The following PKD2 variants were observed in gnomAD, a reference collection of about 807,000 sequenced individuals.
PKD2 encodes the protein polycystin 2, transient receptor potential cation channel.
Under a neutral mutation model 105.9 loss-of-function variants are expected in PKD2, and 48 were observed. The ratio of observed to expected loss-of-function variants is 0.45; its 90% CI spans 0.36 to 0.58. PKD2 has a LOEUF of 0.58. Ranked by LOEUF, PKD2 falls within the 20% of genes least tolerant of loss-of-function variation. PKD2 has a pLI of 0.00. For missense variants in PKD2, 1,078 were observed against 1,255.3 expected (o/e 0.86, Z 2.13); for synonymous variants, 464 against 481.1 (o/e 0.96, Z 0.46).
At chr4:88,010,873 A>AT (rs1726360705) in intron 1 of PKD2, among the ~76,000 whole-genome samples, 1 of 152,238 alleles carries the variant, frequency 6.6e-6, no homozygotes, top group South Asian at 2.1e-4. Context: ...GAAAGAAGAC[A>AT]TGTTTGAGGC....
intron 7 of PKD2, among the ~76,000 whole-genome samples, chr4:88,055,638 CTTTTTT>C (rs5860112): frequency 7.1e-6 from 1 of 140,862 alleles, no homozygotes. Flanking sequence ...TGCACTCAGC[CTTTTTT>C]TTTTTTTTTT....
rs1490216538 is a variant in PKD2, at chr4:88,058,082, C to G, written c.1998C>G (p.Phe666Leu). ...LGPIYFTTFV[F>L]FMFFILLNMF... ...CAATTTATTTCACTACATTTGTGTT[C>G]TTTATGTTCTTCATTCTTTTGGTAT... Residue 666 changes from phenylalanine to leucine, a missense_variant, in exon 9 of 15, where the codon TTC (phenylalanine) becomes TTG (leucine). Physicochemically the swap from Phe to Leu is conservative, Grantham distance 22. Around this residue, in one of 2 missense-constraint regions of PKD2, gnomAD observed 868 missense variants for 1,067.3 expected, o/e 0.81. Coordinates refer to ENST00000237596, the MANE Select transcript of PKD2 (RefSeq NM_000297.4). 1 of 1,537,174 alleles carries G rather than the reference C, an allele frequency of 6.5e-7. No individual in the cohort carries two copies. The highest frequency in any genetic ancestry group is 2.3e-5 in the East Asian group (1 of 44,410).
At chr4:88,057,250 A>G (rs545061620) in intron 8 of PKD2, among the ~76,000 whole-genome samples, 7 of 151,506 alleles carry the variant, frequency 4.6e-5, no homozygotes, top group Middle Eastern at 3.4e-3. Flanking sequence ...CTCAGCTTCC[A>G]AAAGTACTGG....
At chr4:88,014,497 A>AAAAT (rs1365068045) in intron 1 of PKD2, among the ~76,000 whole-genome samples, 1 of 151,840 alleles carries the variant, frequency 6.6e-6, no homozygotes, top group African/African-American at 2.4e-5. Flanking sequence ...AAAAAAAAAA[A>AAAAT]AAAATTCAAG....
chr4:88,063,443 A>C (rs1337202251), intron 10 of PKD2, among the ~76,000 whole-genome samples: 2 of 152,054 alleles, frequency 1.3e-5, no homozygotes, highest in African/African-American at 2.4e-5. Flanking sequence ...AGGCAGGAGA[A>C]TCGCTTGCAC....
chr4:88,014,647 A>G (rs1276038080), intron 1 of PKD2, among the ~76,000 whole-genome samples: 1 of 152,244 alleles, frequency 6.6e-6, no homozygotes, highest in Admixed American at 6.5e-5. Flanking sequence ...TCATTCTTCT[A>G]AACAAGACTC....
At chr4:88,031,356 G>C (rs1056276045) in intron 2 of PKD2, among the ~76,000 whole-genome samples, 1 of 152,192 alleles carries the variant, frequency 6.6e-6, no homozygotes, top group Non-Finnish European at 1.5e-5. Flanking sequence ...GGATCATCTT[G>C]TATAGCACTT....
intron 1 of PKD2, among the ~76,000 whole-genome samples, chr4:88,010,086 A>C (rs1291405416): frequency 6.6e-6 from 1 of 151,722 alleles, no homozygotes; most frequent in Non-Finnish European, 1.5e-5. Context: ...CAGACTCAGG[A>C]ATCGGGAATT....
At position 88,019,033 on chromosome 4, in the gene PKD2, T is replaced by C. The variant is rs146782162; in HGVS notation, c.596-425T>C. 2.4e-3 allele frequency among the ~76,000 whole-genome samples: 369 copies of C among 152,340 alleles called. 1 individual carries two copies. Among genetic ancestry groups the C allele is most frequent in the African/African-American group, 8.4e-3 (351 of 41,574 alleles). ...TAAAAGTTATTACTTGAAATATAAT[T>C]ACATCATGTTCTTAACTGGGTTTAG... On this transcript the variant is annotated intron_variant, in intron 1 of 14. Coordinates refer to ENST00000237596, the MANE Select transcript of PKD2 (RefSeq NM_000297.4).
chr4:88,065,289 T>C (rs1560626016), intron 10 of PKD2, 85 bp from the exon 11 acceptor site: 1 of 1,176,220 alleles, frequency 8.5e-7, no homozygotes, highest in Non-Finnish European at 1.3e-6. Flanking sequence ...AGGTTTGTAG[T>C]AGTTACTACT....
At chr4:88,019,780 G>A (rs1343341731) in intron 2 of PKD2, among the ~76,000 whole-genome samples, 2 of 152,142 alleles carry the variant, frequency 1.3e-5, no homozygotes, top group South Asian at 2.1e-4. Flanking sequence ...GAGAAGGGAC[G>A]TGATTTGTTC....
intron 1 of PKD2, among the ~76,000 whole-genome samples, chr4:88,013,772 G>A (rs1438963601): frequency 6.6e-6 from 1 of 151,978 alleles, no homozygotes; most frequent in African/African-American, 2.4e-5. Flanking sequence ...TCCAGAGGGA[G>A]TAAAACTTGA....
At chr4:88,057,335 T>G in intron 8 of PKD2, among the ~76,000 whole-genome samples, 1 of 151,866 alleles carries the variant, frequency 6.6e-6, no homozygotes. Context: ...AGACCGAGGG[T>G]GACTGTTGTC....
At chr4:88,070,904 G>A (rs1721009142) in intron 13 of PKD2, among the ~76,000 whole-genome samples, 2 of 151,744 alleles carry the variant, frequency 1.3e-5, no homozygotes, top group African/African-American at 4.8e-5. Context: ...CAAAGTGCTG[G>A]GGTCACAGGT....
chr4:88,038,154 T>C (rs1214438120), intron 3 of PKD2, 97 bp from the exon 4 acceptor site: 6 of 1,233,450 alleles, frequency 4.9e-6, no homozygotes, highest in Middle Eastern at 2.0e-4. Context: ...ACTATTTTCA[T>C]AGAGTTGCCA....
At chr4:88,036,677 G>T (rs996049691) in intron 3 of PKD2, among the ~76,000 whole-genome samples, 1 of 152,180 alleles carries the variant, frequency 6.6e-6, no homozygotes, top group Non-Finnish European at 1.5e-5. Flanking sequence ...GTTTAAATGC[G>T]TATGGTCACA....
chr4:88,024,311 G>T (rs1295281011), intron 2 of PKD2, among the ~76,000 whole-genome samples: 1 of 151,906 alleles, frequency 6.6e-6, no homozygotes, highest in African/African-American at 2.4e-5. Context: ...ACAAAAATTA[G>T]CCGGGTATGT....
chr4:88,043,272 C>A lies in PKD2; in HGVS notation c.1134C>A (p.Ser378Arg). The A allele has an allele frequency of 6.2e-7, 1 of 1,612,954 alleles. No homozygotes were observed. The highest frequency in any genetic ancestry group is 8.5e-7 in the Non-Finnish European group (1 of 1,179,022). ...YTSEKDLNGS[S>R]HWGIIATYSG... ...GTGAAAAAGACTTGAATGGTAGTAG[C>A]CACTGGGGAATCATTGCAACTTATA... The change falls in exon 5 of 15, where the codon AGC becomes AGA. Residue 378 changes from serine to arginine, a missense_variant. Physicochemically the swap from Ser to Arg is moderately radical, Grantham distance 110 (BLOSUM62 -1). Transcript: ENST00000237596.
intron 13 of PKD2, among the ~76,000 whole-genome samples, chr4:88,073,602 T>C (rs1323057448): frequency 6.6e-6 from 1 of 151,862 alleles, no homozygotes; most frequent in Non-Finnish European, 1.5e-5. Flanking sequence ...ACTGTAGCCC[T>C]AGACTGGAAG....
Sources: allele counts gnomAD v4.1 joint callset (sites outside exome capture counted in the v4.1 genomes callset), GRCh38; gene constraint gnomAD v4.1.1; regional missense constraint gnomAD v4.1.1; transcripts MANE v1.5; gene names NCBI Gene and HGNC (gene_info 2026-07-23, HGNC 2026-07-21).